Variants in ST8SIA2 observed in about 807,000 individuals in gnomAD.
The protein encoded by ST8SIA2 is alpha-2,8-sialyltransferase 8B.
A neutral mutation model predicts 37.6 loss-of-function variants in ST8SIA2; 22 were observed. The observed-to-expected ratio is 0.58, with a 90% CI of 0.42 to 0.83. The LOEUF is 0.83. Among genes scored for constraint, ST8SIA2 ranks in the 40% least tolerant of loss-of-function variants. The probability of loss-of-function intolerance (pLI) is 0.00; values close to 1 mark genes in which losing one functional copy is unlikely to be tolerated. For missense variants in ST8SIA2, 382 were observed against 484.7 expected (o/e 0.79, Z 1.99); for synonymous variants, 205 against 201.2 (o/e 1.02, Z -0.16).
chr15:92,393,894 C>T lies in ST8SIA2; in HGVS notation c.-171C>T, dbSNP rs1006869653. On this transcript the variant is annotated 5_prime_UTR_variant, in exon 1 of 6. Coordinates refer to ENST00000268164, the MANE Select transcript of ST8SIA2 (RefSeq NM_006011.4). ...CTCGCCGCGCCTGAGCAACCCCTGC[C>T]TGTCGCTGCCGCTGCCGCTGCCGCT... The T allele has an allele frequency of 1.7e-5, 4 of 242,398 alleles. No individual in the cohort carries two copies. The highest frequency in any genetic ancestry group is 9.3e-5 in the African/African-American group (4 of 42,846). The allele number at this position is 242,398 out of a possible 1,614,324, so 15.0% of individuals were successfully genotyped here.
intron 4 of ST8SIA2, among the ~76,000 whole-genome samples, chr15:92,440,619 G>T (rs532718310): frequency 4.6e-5 from 7 of 152,320 alleles, no homozygotes; most frequent in African/African-American, 1.7e-4. Context: ...GGGTGGACCT[G>T]TGGGGTGTTT....
intron 1 of ST8SIA2, among the ~76,000 whole-genome samples, chr15:92,395,336 G>C (rs2049423165): frequency 6.6e-6 from 1 of 152,210 alleles, no homozygotes; most frequent in Non-Finnish European, 1.5e-5. Context: ...ATCTGTGCTA[G>C]TTGAGGGTCC....
At chr15:92,425,867 G>C (rs115168956) in intron 1 of ST8SIA2, among the ~76,000 whole-genome samples, 8,606 of 152,176 alleles carry the variant, frequency 0.057, 704 homozygotes, top group African/African-American at 0.18. Flanking sequence ...GAGACAGTAG[G>C]GGTGTGGATT....
In ST8SIA2 at chr15:92,444,768, G is replaced by T; in HGVS notation, c.681G>T (p.Leu227=). 1 of 1,614,100 alleles carries T rather than the reference G, an allele frequency of 6.2e-7. No homozygotes were observed. The highest frequency in any genetic ancestry group is 1.7e-5 in the Admixed American group (1 of 60,032). The change falls in exon 5 of 6, where the codon CTG becomes CTT. Residue 227 remains leucine, a synonymous_variant. Coordinates refer to ENST00000268164, the MANE Select transcript of ST8SIA2 (RefSeq NM_006011.4). ...ATGCCACGTGGCGGGAGAAGCTGCTGCAACGGCTGCACAGCCTCAATGGCA... is the reference window on the plus strand; with the variant it reads ...ATGCCACGTGGCGGGAGAAGCTGCTTCAACGGCTGCACAGCCTCAATGGCA... ...LVNATWREKL[L]QRLHSLNGSI...
intron 5 of ST8SIA2, among the ~76,000 whole-genome samples, chr15:92,448,038 C>G (rs1195591425): frequency 2.0e-5 from 3 of 152,186 alleles, no homozygotes; most frequent in African/African-American, 7.2e-5. Context: ...GGGCAACCAC[C>G]TGGAAGAAAC....
At chr15:92,400,557 T>C (rs1892051807) in intron 1 of ST8SIA2, among the ~76,000 whole-genome samples, 1 of 152,180 alleles carries the variant, frequency 6.6e-6, no homozygotes, top group African/African-American at 2.4e-5. Flanking sequence ...TTATTCACCA[T>C]TGCGGAATGT....
At chr15:92,404,135 G>T (rs1217781605) in intron 1 of ST8SIA2, among the ~76,000 whole-genome samples, 1 of 152,214 alleles carries the variant, frequency 6.6e-6, no homozygotes, top group Non-Finnish European at 1.5e-5. Context: ...ATCTCTCCCT[G>T]CTGCCAACCT....
rs116907870 is a variant in ST8SIA2 at position 92,413,032 on chromosome 15, G to A, written c.99-17017G>A. 3.6e-4 allele frequency among the ~76,000 whole-genome samples: 54 copies of A among 152,054 alleles called. 1 individual carries two copies. In the East Asian group the frequency reaches 9.1e-3, roughly 26 times the overall value. The stretch of plus-strand genomic sequence containing the variant: ...TAGCTCTGTTCCTTTGCTGGCTGGT[G>A]GGGGGTGTAGGGTGGGGAGGGGGGT... On this transcript the variant is annotated intron_variant, in intron 1 of 5. Transcript: ENST00000268164.
In ST8SIA2 at chr15:92,458,726, G is replaced by T. The variant is rs552287800; in HGVS notation, c.843-5374G>T. On this transcript the variant is annotated intron_variant, in intron 5 of 5. Transcript: ENST00000268164. ...ACTGGAGCCAGGGAAGGACACTGGT[G>T]CACGGGTGACCACAGCTGCCCAGAG... Among the ~76,000 whole-genome samples the T allele has an allele frequency of 3.3e-5, 5 of 152,336 alleles. No individual in the cohort carries two copies. The East Asian group carries it at 5.8e-4, about 18-fold the overall frequency.
intron 1 of ST8SIA2, among the ~76,000 whole-genome samples, chr15:92,429,569 T>C (rs1232871855): frequency 1.3e-5 from 2 of 152,230 alleles, no homozygotes; most frequent in East Asian, 3.8e-4. Context: ...CACTGTTGAG[T>C]TAACCTTGCT....
intron 5 of ST8SIA2, among the ~76,000 whole-genome samples, chr15:92,453,916 C>T (rs1158039819): frequency 6.6e-6 from 1 of 152,138 alleles, no homozygotes; most frequent in African/African-American, 2.4e-5. Context: ...AGCCAGATTC[C>T]TTCCGGACGC....
chr15:92,437,806 A>T (rs986700145), intron 3 of ST8SIA2, among the ~76,000 whole-genome samples: 6 of 152,214 alleles, frequency 3.9e-5, no homozygotes, highest in Admixed American at 3.9e-4. Context: ...CAAATTTATT[A>T]TCCTTTTTTC....
chr15:92,417,662 T>C (rs917531297), intron 1 of ST8SIA2: 1 of 152,154 alleles, frequency 6.6e-6, no homozygotes, highest in Non-Finnish European at 1.5e-5. Flanking sequence ...TTGGTTAAGG[T>C]TCTGTGTAGT....
At position 92,468,381 on chromosome 15, in the gene ST8SIA2, C is replaced by T. The variant is rs1259813375; in HGVS notation, c.*3996C>T. The T allele has an allele frequency of 6.5e-6, 1 of 152,760 alleles. No individual in the cohort carries two copies. The highest frequency in any genetic ancestry group is 1.5e-5 in the Non-Finnish European group (1 of 68,120). The allele number at this position is 152,760 out of a possible 1,614,324, so 9.5% of individuals were successfully genotyped here. A position where few individuals can be genotyped will look rare whatever the true frequency, so the allele number is the denominator to read the frequency against. On this transcript the variant is annotated 3_prime_UTR_variant, in exon 6 of 6. Coordinates refer to ENST00000268164, the MANE Select transcript of ST8SIA2 (RefSeq NM_006011.4). ...AAAGGGTGCCTGCGTTTTACTGTCT[C>T]TGTGCCTTTGGTCTTGCTATCCCCA...
intron 3 of ST8SIA2, among the ~76,000 whole-genome samples, chr15:92,435,354 C>G (rs1227355779): frequency 6.6e-6 from 1 of 152,114 alleles, no homozygotes; most frequent in Non-Finnish European, 1.5e-5. Flanking sequence ...TAGGAGTTCA[C>G]CAAGCTGCTT....
intron 1 of ST8SIA2, among the ~76,000 whole-genome samples, chr15:92,402,479 C>A (rs2049478800): frequency 6.6e-6 from 1 of 152,108 alleles, no homozygotes; most frequent in African/African-American, 2.4e-5. Context: ...CTCCCAGGAA[C>A]AAGGATAATT....
At chr15:92,400,134 C>A (rs1448817950) in intron 1 of ST8SIA2, among the ~76,000 whole-genome samples, 2 of 152,324 alleles carry the variant, frequency 1.3e-5, no homozygotes, top group South Asian at 2.1e-4. Flanking sequence ...TCCTCCCAGG[C>A]CCTTCCTTTC....
intron 5 of ST8SIA2, among the ~76,000 whole-genome samples, chr15:92,452,622 G>A (rs2049889702): frequency 6.6e-6 from 1 of 152,224 alleles, no homozygotes; most frequent in South Asian, 2.1e-4. Context: ...AGAACTGGAA[G>A]ATACCTGGGC....
Position 92,464,719 on chromosome 15 carries a change from T to G in ST8SIA2, c.*334T>G. ...AGTCCCATGACTTTGGATGACAAAC[T>G]GCCTCCTGGCTTGGAGGGATCTTTG... On this transcript the variant is annotated 3_prime_UTR_variant, in exon 6 of 6. Transcript: ENST00000268164. 1 of 338,500 alleles carries G rather than the reference T, an allele frequency of 3.0e-6. No individual in the cohort carries two copies. Among genetic ancestry groups the G allele is most frequent in the East Asian group, 7.1e-5 (1 of 14,062 alleles). The allele number at this position is 338,500 out of a possible 1,614,324, so 21.0% of individuals were successfully genotyped here.
Sources: allele counts gnomAD v4.1 joint callset (sites outside exome capture counted in the v4.1 genomes callset), GRCh38; gene constraint gnomAD v4.1.1; transcripts MANE v1.5; gene names NCBI Gene and HGNC (gene_info 2026-07-23, HGNC 2026-07-21).